MCM4: variants seen among roughly 807,000 people sequenced by gnomAD.
The protein encoded by MCM4 is DNA replication licensing factor MCM4.
MCM4 carries 60 observed loss-of-function variants against 88.7 expected under a neutral mutation model. The ratio of observed to expected loss-of-function variants is 0.68; its 90% CI spans 0.55 to 0.84. The LOEUF (loss-of-function observed/expected upper bound fraction) is 0.84. MCM4 is among the 40% of genes least tolerant of loss of function. MCM4 has a pLI of 0.00. For missense variants in MCM4, 1,149 were observed against 1,105.5 expected, an observed-to-expected ratio of 1.04 and a Z score of -0.56; for synonymous variants, 465 against 410.5, an observed-to-expected ratio of 1.13 and a Z score of -1.61.
chr8:47,971,489 TTTG>T (rs759832753), intron 13 of MCM4, 21 bp downstream of exon 13: 12 of 1,612,108 alleles, frequency 7.4e-6, no homozygotes, highest in Non-Finnish European at 1.0e-5. Flanking sequence ...AGATTTTTAT[TTTG>T]TTCATTTGTA....
At chr8:47,962,450 G>T (rs767931491) in intron 5 of MCM4, 44 bp downstream of exon 5, 12 of 1,580,238 alleles carry the variant, frequency 7.6e-6, no homozygotes, top group Admixed American at 1.7e-5. Flanking sequence ...CTCTGAAAAT[G>T]TTGGGAGACC....
chr8:47,964,277 A>T (rs1202201425), intron 7 of MCM4, among the ~76,000 whole-genome samples: 1 of 152,238 alleles, frequency 6.6e-6, no homozygotes, highest in Non-Finnish European at 1.5e-5. Context: ...TTCATTATAG[A>T]AGGAAAATAA....
chr8:47,963,686 TGAAA>T (rs2090869418), intron 7 of MCM4, among the ~76,000 whole-genome samples: 1 of 152,208 alleles, frequency 6.6e-6, no homozygotes, highest in African/African-American at 2.4e-5. Flanking sequence ...CCTGCTGCTT[TGAAA>T]GAATATATTG....
At position 47,977,165 on chromosome 8, in the gene MCM4, T is replaced by G. The variant is rs144432703; in HGVS notation, c.*387T>G. 6.4e-6 allele frequency: 1 copy of G among 155,166 alleles called. No homozygotes were observed. Among genetic ancestry groups the G allele is most frequent in the African/African-American group, 2.5e-5 (1 of 40,640 alleles). The allele number at this position is 155,166 out of a possible 1,614,324, so 9.6% of individuals were successfully genotyped here. A position where few individuals can be genotyped will look rare whatever the true frequency, so the allele number is the denominator to read the frequency against. On this transcript the variant is annotated 3_prime_UTR_variant, in exon 17 of 17. Transcript: ENST00000649973. The stretch of plus-strand genomic sequence containing the variant: ...CCTGTAATCCCAGCTACTCGGGAGG[T>G]TGAGGCAGGAGAATCGCTTAAACCC...
intron 14 of MCM4, chr8:47,973,859 A>AG (rs1212154957): frequency 2.6e-5 from 4 of 152,214 alleles, no homozygotes; most frequent in Non-Finnish European, 5.9e-5. Flanking sequence ...ATGTTGCAAA[A>AG]GGGGGAAATA....
intron 8 of MCM4, among the ~76,000 whole-genome samples, chr8:47,965,550 G>T (rs993107347): frequency 3.3e-5 from 5 of 152,146 alleles, no homozygotes; most frequent in East Asian, 3.9e-4. Flanking sequence ...CTAAATACAG[G>T]CCAGAACAGG....
intron 12 of MCM4, among the ~76,000 whole-genome samples, chr8:47,971,087 T>C (rs1464004009): frequency 2.6e-5 from 4 of 152,230 alleles, no homozygotes; most frequent in Non-Finnish European, 5.9e-5. Flanking sequence ...GAATTTGTCC[T>C]AAAGCTCTTG....
At chr8:47,974,575 C>T in intron 14 of MCM4, 159 bp from the exon 15 acceptor site, 2 of 648,298 alleles carry the variant, frequency 3.1e-6, no homozygotes, top group Admixed American at 2.6e-5. Flanking sequence ...TTTCTGTGGT[C>T]TGTCTGTGTA....
chr8:47,967,790 GCAT>G (rs1277532201), intron 10 of MCM4, among the ~76,000 whole-genome samples: 1 of 152,124 alleles, frequency 6.6e-6, no homozygotes, highest in African/African-American at 2.4e-5. Context: ...AGTACTGTTG[GCAT>G]CATGAGAGAG....
chr8:47,976,701 A>G lies in MCM4; in HGVS notation c.2515A>G (p.Met839Val). 1 of 1,612,688 alleles carries G rather than the reference A, an allele frequency of 6.2e-7. No homozygotes were observed. The highest frequency in any genetic ancestry group is 8.5e-7 in the Non-Finnish European group (1 of 1,178,882). ...GQSDIAITKDMFEEALRALAD... is the reference protein window; with the variant it reads ...GQSDIAITKDVFEEALRALAD... ...TTCCCCACAGGCAATTACTAAAGATATGTTTGAAGAAGCACTGCGTGCCCT... is the reference window on the plus strand; with the variant it reads ...TTCCCCACAGGCAATTACTAAAGATGTGTTTGAAGAAGCACTGCGTGCCCT... The change falls in exon 17 of 17, where the codon ATG becomes GTG. Residue 839 changes from methionine (M) to valine (V), a missense_variant. This residue lies in a region of MCM4 where 238 missense variants were observed against 241.6 expected (regional missense o/e 0.99). Transcript: ENST00000649973.
chr8:47,974,693 A>C (rs775821033), intron 14 of MCM4, 41 bp from the exon 15 acceptor site: 1 of 1,524,888 alleles, frequency 6.6e-7, no homozygotes, highest in South Asian at 1.1e-5. Flanking sequence ...AGTTGTCACC[A>C]AGGAGGTTTG....
At position 47,962,223 on chromosome 8, in the gene MCM4, A is replaced by G. The variant is rs758697578; in HGVS notation, c.399+7A>G. 1 of 1,614,120 alleles carries G rather than the reference A, an allele frequency of 6.2e-7. No individual in the cohort carries two copies. The highest frequency in any genetic ancestry group is 8.5e-7 in the Non-Finnish European group (1 of 1,180,004). On this transcript the variant is annotated splice_region_variant and intron_variant, in intron 4 of 16. Transcript: ENST00000649973. ...GGATCTGCAGTCTGACGGGGTGAGTATGCAGTCTCCTGAAACCATCTTATG... is the reference window on the plus strand; with the variant it reads ...GGATCTGCAGTCTGACGGGGTGAGTGTGCAGTCTCCTGAAACCATCTTATG...
At chr8:47,961,474 C>T (rs2090832998) in intron 2 of MCM4, 42 bp from the exon 3 acceptor site, 6 of 1,612,608 alleles carry the variant, frequency 3.7e-6, no homozygotes, top group Non-Finnish European at 5.1e-6. Flanking sequence ...AAGGCCGGCC[C>T]TGAAAGTTAA....
At chr8:47,964,084 G>A (rs1016369906) in intron 7 of MCM4, among the ~76,000 whole-genome samples, 4 of 152,044 alleles carry the variant, frequency 2.6e-5, no homozygotes, top group South Asian at 4.2e-4. Flanking sequence ...TTAGTCAGGC[G>A]TGGTGGCAAA....
chr8:47,970,540 A>G lies in MCM4; in HGVS notation c.1464A>G (p.Thr488=). 6.2e-7 allele frequency: 1 copy of G among 1,605,326 alleles called. No individual in the cohort carries two copies. Among genetic ancestry groups the G allele is most frequent in the Non-Finnish European group, 8.5e-7 (1 of 1,172,942 alleles). The part of the protein sequence containing the change: ...KGILLQLFGG[T]RKDFSHTGRG... ...TTTTGCTTCAGCTCTTTGGCGGGAC[A>G]AGGAAGGATTTTAGTCACACTGGAA... Residue 488 remains threonine, a synonymous_variant, in exon 12 of 17, where the codon ACA becomes ACG. Transcript: ENST00000649973.
intron 14 of MCM4, 90 bp downstream of exon 14, chr8:47,973,154 TGTTACG>T: frequency 8.6e-7 from 1 of 1,166,216 alleles, no homozygotes; most frequent in Non-Finnish European, 1.2e-6. Flanking sequence ...TTAATTATTT[TGTTACG>T]AATAACATAC....
intron 14 of MCM4, among the ~76,000 whole-genome samples, chr8:47,973,494 CTT>C (rs1241184472): frequency 2.3e-4 from 32 of 141,740 alleles, no homozygotes; most frequent in Admixed American, 2.1e-4. Context: ...ATAAACTTTT[CTT>C]TTTTTTTTTT....
chr8:47,970,578 G>C lies in MCM4; in HGVS notation c.1502G>C (p.Arg501Pro). ...DFSHTGRGKF[R>P]AEINILLCGD... ...AGTCACACTGGAAGGGGCAAATTTCGGGCTGAGATCAACATCTTGCTGTGT... is the reference window on the plus strand; with the variant it reads ...AGTCACACTGGAAGGGGCAAATTTCCGGCTGAGATCAACATCTTGCTGTGT... Residue 501 changes from arginine (R) to proline (P), a missense_variant, in exon 12 of 17, where the codon CGG becomes CCG. By Grantham distance (103) the Arg-to-Pro change is moderately radical. Around this residue, in one of 3 missense-constraint regions of MCM4, gnomAD observed 906 missense variants for 843.0 expected, o/e 1.07. Coordinates refer to ENST00000649973, the MANE Select transcript of MCM4 (RefSeq NM_182746.3). 6.2e-7 allele frequency: 1 copy of C among 1,613,972 alleles called. No individual in the cohort carries two copies. Among genetic ancestry groups the C allele is most frequent in the Non-Finnish European group, 8.5e-7 (1 of 1,179,932 alleles).
At chr8:47,970,139 G>A in intron 11 of MCM4, 82 bp downstream of exon 11, 1 of 1,472,036 alleles carries the variant, frequency 6.8e-7, no homozygotes, top group Non-Finnish European at 9.2e-7. Flanking sequence ...CGCCACTCGA[G>A]CCATCCGCCA....
Sources: gnomAD v4.1 joint callset for allele counts (sites outside exome capture counted in the v4.1 genomes callset) on GRCh38, gnomAD v4.1.1 for gene constraint, gnomAD v4.1.1 regional missense constraint, MANE v1.5 for transcripts, NCBI Gene and HGNC (gene_info 2026-07-23, HGNC 2026-07-21) for gene names.